The following FGF12 variants were observed in gnomAD, a reference collection of about 807,000 sequenced individuals.
FGF12 encodes fibroblast growth factor 12, also known as fibroblast growth factor 12B.
Under a neutral mutation model 23.6 loss-of-function variants are expected in FGF12, and 14 were observed. That is an observed-to-expected ratio of 0.59 (90% CI 0.39 to 0.93). The LOEUF (loss-of-function observed/expected upper bound fraction) is 0.93. FGF12 is among the 40% of genes least tolerant of loss of function. FGF12 has a pLI of 0.00. For synonymous variants in FGF12, 62 were observed against 77.3 expected (o/e 0.80, Z 1.04); for missense variants, 175 against 217.8 (o/e 0.80, Z 1.24).
At chr3:192,429,421 C>T (rs1721786102) in intron 2 of FGF12, among the ~76,000 whole-genome samples, 1 of 152,062 alleles carries the variant, frequency 6.6e-6, no homozygotes, top group African/African-American at 2.4e-5. Flanking sequence ...CTAACTTCCC[C>T]CTCCAACATT....
At chr3:192,256,142 A>G (rs1254413151) in intron 4 of FGF12, among the ~76,000 whole-genome samples, 1 of 152,016 alleles carries the variant, frequency 6.6e-6, no homozygotes, top group Non-Finnish European at 1.5e-5. Context: ...AATTCTTACA[A>G]CTAGCTACAA....
At chr3:192,467,058 T>A (rs1184757265) in intron 2 of FGF12, among the ~76,000 whole-genome samples, 1 of 152,218 alleles carries the variant, frequency 6.6e-6, no homozygotes, top group East Asian at 1.9e-4. Flanking sequence ...TTTTTAGGTT[T>A]TTTCTTAATT....
At chr3:192,350,070 T>C (rs907600135) in intron 3 of FGF12, among the ~76,000 whole-genome samples, 1 of 152,088 alleles carries the variant, frequency 6.6e-6, no homozygotes, top group African/African-American at 2.4e-5. Context: ...TCCATATCCA[T>C]TATCAAGGCG....
At chr3:192,513,541 T>C (rs1414937364) in intron 2 of FGF12, among the ~76,000 whole-genome samples, 1 of 152,190 alleles carries the variant, frequency 6.6e-6, no homozygotes, top group Non-Finnish European at 1.5e-5. Context: ...GAAACCTACA[T>C]ATATTATAAT....
At chr3:192,451,562 T>C (rs1722522020) in intron 2 of FGF12, among the ~76,000 whole-genome samples, 1 of 152,214 alleles carries the variant, frequency 6.6e-6, no homozygotes, top group African/African-American at 2.4e-5. Flanking sequence ...CCCTTAGGTA[T>C]TTAATGGACT....
At chr3:192,667,281 G>A (rs1716919783) in intron 2 of FGF12, among the ~76,000 whole-genome samples, 1 of 152,014 alleles carries the variant, frequency 6.6e-6, no homozygotes, top group Non-Finnish European at 1.5e-5. Flanking sequence ...GGGCTTCACA[G>A]GAAAAAACCC....
rs1045023564 is a variant in FGF12 at position 192,408,206 on chromosome 3, G to C, written c.14-47668C>G. ...GCCGCTTCTGCCGGATCAAGGAGCT[G>C]GCTATCGCCGCAGCCATAGCTGCTC... is the stretch of plus-strand genomic sequence containing the variant. On this transcript the variant is annotated intron_variant, in intron 2 of 5. Transcript: ENST00000445105. This position sits in a 1 kb window ranked among gnomAD's most constrained non-coding sequence, Gnocchi z 7.3. The C allele has an allele frequency of 7.5e-6, 12 of 1,604,028 alleles. No individual in the cohort carries two copies. The highest frequency in any genetic ancestry group is 1.0e-5 in the Non-Finnish European group (12 of 1,178,782).
In FGF12 at chr3:192,661,259, C is replaced by T. The variant is rs111329468; in HGVS notation, c.13+65922G>A. On this transcript the variant is annotated intron_variant, in intron 2 of 5. Coordinates refer to ENST00000445105, the MANE Select transcript of FGF12 (RefSeq NM_004113.6). ...TAAATAGGCTGGGCGCTGTGGCTCA[C>T]GCCTGCAATTCCAGCACTTTGGGAG... 3.6e-3 allele frequency among the ~76,000 whole-genome samples: 550 copies of T among 152,314 alleles called. 2 individuals are homozygous for T. Among genetic ancestry groups the T allele is most frequent in the African/African-American group, 0.012 (511 of 41,572 alleles).
chr3:192,159,514 G>A (rs1714742594), intron 5 of FGF12, among the ~76,000 whole-genome samples: 2 of 152,162 alleles, frequency 1.3e-5, no homozygotes, highest in Non-Finnish European at 2.9e-5. Context: ...GCAGTGTGAA[G>A]AAACTAGGGA....
chr3:192,220,026 A>AT (rs528380884), intron 4 of FGF12, among the ~76,000 whole-genome samples: 11 of 151,010 alleles, frequency 7.3e-5, no homozygotes, highest in South Asian at 4.2e-4. Flanking sequence ...TATTACAATC[A>AT]TTTTTTTTTC....
intron 2 of FGF12, among the ~76,000 whole-genome samples, chr3:192,677,318 G>A (rs544478724): frequency 1.3e-5 from 2 of 152,246 alleles, no homozygotes; most frequent in South Asian, 4.1e-4. Flanking sequence ...TGAGATGACC[G>A]TAGCCTTCCC....
At chr3:192,486,235 C>G (rs73889351) in intron 2 of FGF12, among the ~76,000 whole-genome samples, 7 of 152,270 alleles carry the variant, frequency 4.6e-5, no homozygotes, top group African/African-American at 1.4e-4. Context: ...ATGAGCAAGA[C>G]AGACGTTTCT....
At chr3:192,494,749 GA>G (rs1198015431) in intron 2 of FGF12, among the ~76,000 whole-genome samples, 1 of 152,114 alleles carries the variant, frequency 6.6e-6, no homozygotes, top group Non-Finnish European at 1.5e-5. Context: ...GACACAGATT[GA>G]AACACAGTTG....
chr3:192,677,452 C>T (rs967652789), intron 2 of FGF12, among the ~76,000 whole-genome samples: 29 of 152,190 alleles, frequency 1.9e-4, no homozygotes, highest in Non-Finnish European at 4.3e-4. Context: ...TTTATACATA[C>T]ACAGGGAGAG....
intron 5 of FGF12, among the ~76,000 whole-genome samples, chr3:192,147,332 G>T (rs937807815): frequency 6.6e-6 from 1 of 152,116 alleles, no homozygotes; most frequent in African/African-American, 2.4e-5. Context: ...ATAATTTAAA[G>T]ACCATAATCC....
At chr3:192,689,900 G>A (rs1349522241) in intron 2 of FGF12, among the ~76,000 whole-genome samples, 1 of 151,454 alleles carries the variant, frequency 6.6e-6, no homozygotes, top group Admixed American at 6.6e-5. Flanking sequence ...AACTTTAAAA[G>A]CAGGAAGAAA....
intron 2 of FGF12, among the ~76,000 whole-genome samples, chr3:192,560,857 C>A (rs1711989287): frequency 6.6e-6 from 1 of 152,090 alleles, no homozygotes; most frequent in African/African-American, 2.4e-5. Context: ...AATTAATATT[C>A]TCATACACAT....
At chr3:192,463,578 A>G (rs934670369) in intron 2 of FGF12, among the ~76,000 whole-genome samples, 6 of 152,162 alleles carry the variant, frequency 3.9e-5, no homozygotes, top group Non-Finnish European at 8.8e-5. Flanking sequence ...CACATATCCT[A>G]TGAGCTGCCA....
At chr3:192,527,809 T>C (rs1724987363) in intron 2 of FGF12, among the ~76,000 whole-genome samples, 1 of 152,158 alleles carries the variant, frequency 6.6e-6, no homozygotes, top group Admixed American at 6.5e-5. Context: ...CTTACAATCA[T>C]GGTGGAAGGT....
Sources: allele counts gnomAD v4.1 joint callset (sites outside exome capture counted in the v4.1 genomes callset), GRCh38; gene constraint gnomAD v4.1.1; non-coding constraint Gnocchi (gnomAD v3.1); transcripts MANE v1.5; gene names NCBI Gene and HGNC (gene_info 2026-07-23, HGNC 2026-07-21).